ITGBL1: variants seen among roughly 807,000 people sequenced by gnomAD.
The protein encoded by ITGBL1 is integrin subunit beta like 1.
In ITGBL1, 51 loss-of-function variants were observed where a neutral mutation model predicts 68.5. The observed-to-expected ratio is 0.74, with a 90% CI of 0.59 to 0.94. ITGBL1 has a LOEUF of 0.94. Among genes scored for constraint, ITGBL1 ranks in the 40% least tolerant of loss-of-function variants. The pLI is 0.00. For synonymous variants in ITGBL1, 209 were observed against 227.3 expected (o/e 0.92, Z 0.72); for missense variants, 649 against 647.4 (o/e 1.00, Z -0.03).
intron 7 of ITGBL1, among the ~76,000 whole-genome samples, chr13:101,615,915 C>T (rs2031339432): frequency 6.6e-6 from 1 of 152,176 alleles, no homozygotes; most frequent in South Asian, 2.1e-4. Context: ...CAGGCTCTCG[C>T]TAGACACTGC....
intron 7 of ITGBL1, among the ~76,000 whole-genome samples, chr13:101,604,783 A>C (rs2030589048): frequency 7.2e-6 from 1 of 138,928 alleles, no homozygotes; most frequent in African/African-American, 2.7e-5. Context: ...CCATCACCTC[A>C]CCAGCTGGAA....
chr13:101,656,421 A>T (rs528986426), intron 7 of ITGBL1, among the ~76,000 whole-genome samples: 124 of 152,168 alleles, frequency 8.1e-4, no homozygotes, highest in Non-Finnish European at 1.5e-3. Context: ...TTGGGCTAAA[A>T]TATTTTGATT....
intron 3 of ITGBL1, among the ~76,000 whole-genome samples, chr13:101,569,025 A>AACAC (rs112814235): frequency 0.24 from 25,152 of 103,218 alleles, 4,014 homozygotes; most frequent in Non-Finnish European, 0.3. Flanking sequence ...CACCCCTCCA[A>AACAC]ACACACACAC....
At chr13:101,541,462 T>A (rs913773508) in intron 2 of ITGBL1, among the ~76,000 whole-genome samples, 4 of 152,220 alleles carry the variant, frequency 2.6e-5, no homozygotes, top group Non-Finnish European at 5.9e-5. Flanking sequence ...TGCCAGTATT[T>A]TATTGAGGAT....
chr13:101,521,002 G>T (rs528715462), intron 2 of ITGBL1, among the ~76,000 whole-genome samples: 1 of 152,150 alleles, frequency 6.6e-6, no homozygotes, highest in African/African-American at 2.4e-5. Flanking sequence ...TCAGAATGCC[G>T]ACTGAGAGAC....
At chr13:101,479,229 A>T (rs1365035665) in intron 2 of ITGBL1, among the ~76,000 whole-genome samples, 1 of 152,144 alleles carries the variant, frequency 6.6e-6, no homozygotes, top group East Asian at 1.9e-4. Context: ...TCTTCAATAA[A>T]TGGCTCTGGG....
intron 5 of ITGBL1, 131 bp from the exon 6 acceptor site, chr13:101,583,085 G>T: frequency 1.2e-6 from 1 of 821,768 alleles, no homozygotes; most frequent in Non-Finnish European, 1.9e-6. Flanking sequence ...TTCCTTTTTA[G>T]AATATTTTTG....
At chr13:101,491,585 A>G (rs7987712) in intron 2 of ITGBL1, among the ~76,000 whole-genome samples, 1,526 of 152,230 alleles carry the variant, frequency 0.01, 30 homozygotes, top group African/African-American at 0.035. Context: ...GTAAGATGAA[A>G]AATTCTGAAT....
intron 2 of ITGBL1, among the ~76,000 whole-genome samples, chr13:101,519,752 T>G (rs552677394): frequency 6.6e-6 from 1 of 152,270 alleles, no homozygotes; most frequent in South Asian, 2.1e-4. Flanking sequence ...TTAGATAATA[T>G]ATGTAAAGCA....
chr13:101,498,676 A>G (rs2048893391), intron 2 of ITGBL1, among the ~76,000 whole-genome samples: 1 of 152,152 alleles, frequency 6.6e-6, no homozygotes, highest in African/African-American at 2.4e-5. Context: ...ACTTATATAT[A>G]GGTGTATGAT....
rs77792143 is a variant in ITGBL1, at chr13:101,710,248, A to T, written c.1279+3346A>T. On this transcript the variant is annotated intron_variant, in intron 9 of 10. Transcript: ENST00000376180. ...CTGCCTCAAGGCTGCACATTTTGAC[A>T]TTCATGTTAGTGGACCGGCCTCCGG... Among the ~76,000 whole-genome samples, 362 of 152,340 alleles carry T rather than the reference A, an allele frequency of 2.4e-3. 7 individuals carry two copies. In the East Asian group the frequency reaches 0.057, roughly 24 times the overall value.
At chr13:101,458,810 A>G (rs1217821250) in intron 2 of ITGBL1, among the ~76,000 whole-genome samples, 1 of 152,118 alleles carries the variant, frequency 6.6e-6, no homozygotes, top group African/African-American at 2.4e-5. Flanking sequence ...TTATTTTCTG[A>G]ATAGTTTTAA....
intron 7 of ITGBL1, among the ~76,000 whole-genome samples, chr13:101,621,762 A>G (rs1259120747): frequency 6.6e-6 from 1 of 152,160 alleles, no homozygotes; most frequent in Non-Finnish European, 1.5e-5. Context: ...GAAAAGGCAG[A>G]CCTTTATCTT....
At chr13:101,669,657 ATTTT>A (rs2033310867) in intron 7 of ITGBL1, among the ~76,000 whole-genome samples, 1 of 152,156 alleles carries the variant, frequency 6.6e-6, no homozygotes, top group South Asian at 2.1e-4. Context: ...GAAAGTTTTT[ATTTT>A]TAATTGTAAA....
intron 2 of ITGBL1, among the ~76,000 whole-genome samples, chr13:101,511,860 A>G (rs113309776): frequency 2.2e-4 from 34 of 152,226 alleles, no homozygotes; most frequent in African/African-American, 7.7e-4. Context: ...TCATGAGTAG[A>G]TGTTACTTTA....
chr13:101,684,705 CT>C (rs1289728064), intron 7 of ITGBL1, among the ~76,000 whole-genome samples: 2 of 151,834 alleles, frequency 1.3e-5, no homozygotes, highest in African/African-American at 4.8e-5. Context: ...TTACCATATT[CT>C]ACCGACAAAG....
intron 2 of ITGBL1, among the ~76,000 whole-genome samples, chr13:101,551,349 C>T (rs1320841190): frequency 6.6e-6 from 1 of 152,068 alleles, no homozygotes. Context: ...GACACTTGCT[C>T]AGTTGTATGG....
chr13:101,464,248 T>G (rs954823597), intron 2 of ITGBL1, among the ~76,000 whole-genome samples: 1 of 152,198 alleles, frequency 6.6e-6, no homozygotes, highest in Non-Finnish European at 1.5e-5. Flanking sequence ...CTCTCTTCTT[T>G]ATCCTGTTTG....
At chr13:101,602,837 G>A (rs534149854) in intron 7 of ITGBL1, among the ~76,000 whole-genome samples, 60 of 152,010 alleles carry the variant, frequency 3.9e-4, no homozygotes, top group Middle Eastern at 3.4e-3. Flanking sequence ...TGATCTTCTC[G>A]CATCTGGCTT....
Sources: allele counts gnomAD v4.1 joint callset (sites outside exome capture counted in the v4.1 genomes callset), GRCh38; gene constraint gnomAD v4.1.1; transcripts MANE v1.5; gene names NCBI Gene and HGNC (gene_info 2026-07-23, HGNC 2026-07-21).